MKLN1: variants seen among roughly 807,000 people sequenced by gnomAD.
The protein encoded by MKLN1 is muskelin.
A neutral mutation model predicts 99.0 loss-of-function variants in MKLN1; 18 were observed. The observed-to-expected ratio is 0.18, with a 90% confidence interval of 0.13 to 0.27. MKLN1 has a LOEUF of 0.27. Ranked by LOEUF, MKLN1 falls within the 10% of genes least tolerant of loss-of-function variation. The pLI is 1.00. For missense variants in MKLN1, 621 were observed against 875.9 expected, an observed-to-expected ratio of 0.71 and a Z score of 3.67; for synonymous variants, 288 against 293.2, an observed-to-expected ratio of 0.98 and a Z score of 0.18.
At position 131,166,223 on chromosome 7, in the gene MKLN1, T is replaced by C. The variant is rs1434010331; in HGVS notation, c.-297+23282T>C. Among the ~76,000 whole-genome samples the C allele has an allele frequency of 2.0e-5, 3 of 152,178 alleles. No homozygotes were observed. The East Asian group carries it at 5.8e-4, about 29-fold the overall frequency. On this transcript the variant is annotated intron_variant, in intron 2 of 7. Coordinates refer to the MKLN1 transcript ENST00000416992. Reference sequence around the variant, plus strand: ...AGCTTGGCGACAATTGGTTTTGGGATGTAAAAGATTACTATGGTTTTGAGC... The same window carrying C: ...AGCTTGGCGACAATTGGTTTTGGGACGTAAAAGATTACTATGGTTTTGAGC...
At chr7:131,156,463 A>AG (rs1345312876) in intron 2 of MKLN1, among the ~76,000 whole-genome samples, 2 of 151,130 alleles carry the variant, frequency 1.3e-5, no homozygotes, top group Admixed American at 6.6e-5. Context: ...AAAAAAAAAA[A>AG]AAAAAAAGAA....
intron 1 of MKLN1, among the ~76,000 whole-genome samples, chr7:131,121,002 T>A (rs1252875184): frequency 2.0e-5 from 3 of 152,186 alleles, no homozygotes; most frequent in Non-Finnish European, 4.4e-5. Context: ...ACTGGATAAT[T>A]TATAAAGAAA....
intron 1 of MKLN1, among the ~76,000 whole-genome samples, chr7:131,126,251 A>G (rs1488876665): frequency 1.3e-5 from 2 of 152,108 alleles, no homozygotes; most frequent in Non-Finnish European, 2.9e-5. Flanking sequence ...GCTAATGACC[A>G]GAGACAGCTG....
upstream of MKLN1, among the ~76,000 whole-genome samples, chr7:131,324,587 C>T (rs1798847358): frequency 6.6e-6 from 1 of 152,118 alleles, no homozygotes; most frequent in Non-Finnish European, 1.5e-5. Flanking sequence ...GAGGCAGTGC[C>T]TGAGTTATTT....
At chr7:131,400,864 G>A (rs1794523225) in intron 6 of MKLN1, among the ~76,000 whole-genome samples, 1 of 152,052 alleles carries the variant, frequency 6.6e-6, no homozygotes, top group South Asian at 2.1e-4. Flanking sequence ...ATTAGTAGTT[G>A]CTCAATTCTT....
intron 2 of MKLN1, among the ~76,000 whole-genome samples, chr7:131,194,378 G>T (rs1468691356): frequency 6.6e-6 from 1 of 152,004 alleles, no homozygotes; most frequent in East Asian, 1.9e-4. Context: ...GGACTCAAAT[G>T]GCCCTTTGTA....
intron 3 of MKLN1, among the ~76,000 whole-genome samples, chr7:131,240,500 A>G (rs1038183582): frequency 8.5e-5 from 13 of 152,254 alleles, no homozygotes; most frequent in Non-Finnish European, 1.9e-4. Context: ...GAGATAAATG[A>G]AAAATACTAT....
At chr7:131,220,310 T>C (rs540249814) in intron 3 of MKLN1, among the ~76,000 whole-genome samples, 7 of 152,160 alleles carry the variant, frequency 4.6e-5, no homozygotes, top group Non-Finnish European at 7.3e-5. Context: ...TCCCATAACC[T>C]GTTTTATAAG....
intron 1 of MKLN1, among the ~76,000 whole-genome samples, chr7:131,359,094 G>T (rs1256480681): frequency 6.6e-6 from 1 of 151,900 alleles, no homozygotes; most frequent in Non-Finnish European, 1.5e-5. Flanking sequence ...TAGTTTCCTA[G>T]GGTGGAAGCT....
chr7:131,373,632 A>G (rs1793537703), intron 1 of MKLN1, among the ~76,000 whole-genome samples: 2 of 152,160 alleles, frequency 1.3e-5, no homozygotes, highest in South Asian at 4.1e-4. Context: ...TAAAAATAGA[A>G]TTTTTATTGC....
At chr7:131,197,200 TTTGA>T (rs781668644) in intron 2 of MKLN1, among the ~76,000 whole-genome samples, 3 of 152,016 alleles carry the variant, frequency 2.0e-5, no homozygotes, top group South Asian at 2.1e-4. Flanking sequence ...GGCTTGATTG[TTTGA>T]TTGATTGATT....
At chr7:131,218,573 A>G (rs1797017307) in intron 3 of MKLN1, among the ~76,000 whole-genome samples, 1 of 152,230 alleles carries the variant, frequency 6.6e-6, no homozygotes, top group Non-Finnish European at 1.5e-5. Flanking sequence ...GTTATGCTAC[A>G]TTTCCTTCAC....
intron 3 of MKLN1, among the ~76,000 whole-genome samples, chr7:131,206,154 A>G (rs1796807306): frequency 6.6e-6 from 1 of 152,094 alleles, no homozygotes; most frequent in African/African-American, 2.4e-5. Flanking sequence ...CAGCCTCCCA[A>G]AGTGCTGGGA....
chr7:131,161,743 G>A (rs1016473393), intron 2 of MKLN1, among the ~76,000 whole-genome samples: 1 of 151,716 alleles, frequency 6.6e-6, no homozygotes, highest in East Asian at 2.0e-4. Flanking sequence ...AGTAGGGACG[G>A]GGTTTCACCG....
At chr7:131,338,044 C>T (rs889599449) in intron 1 of MKLN1, among the ~76,000 whole-genome samples, 21 of 152,184 alleles carry the variant, frequency 1.4e-4, no homozygotes, top group Non-Finnish European at 2.8e-4. Flanking sequence ...CTGTAGTTTG[C>T]TTCCAACTTG....
At chr7:131,273,896 G>A (rs1003006955) in intron 3 of MKLN1, among the ~76,000 whole-genome samples, 11 of 152,006 alleles carry the variant, frequency 7.2e-5, no homozygotes, top group East Asian at 1.9e-4. Context: ...GTGAGCCACC[G>A]CGCCCAGCCT....
intron 2 of MKLN1, among the ~76,000 whole-genome samples, chr7:131,173,459 C>T (rs188772471): frequency 5.3e-5 from 8 of 152,230 alleles, no homozygotes; most frequent in African/African-American, 1.9e-4. Context: ...TGGCTCACGC[C>T]CATAATCCTA....
intron 1 of MKLN1, chr7:131,328,340 T>G: frequency 3.9e-6 from 1 of 256,902 alleles, no homozygotes; most frequent in Non-Finnish European, 7.6e-6. Context: ...GAATCGGAGT[T>G]GGCGGGGCCC....
intron 4 of MKLN1, among the ~76,000 whole-genome samples, chr7:131,395,288 A>G (rs3847106): frequency 0.95 from 143,862 of 151,940 alleles, 68,154 homozygotes; most frequent in East Asian, 0.99. Context: ...CTCACAACTT[A>G]AATAATTGTA....
Sources: gnomAD v4.1 joint callset for allele counts (sites outside exome capture counted in the v4.1 genomes callset) on GRCh38, gnomAD v4.1.1 for gene constraint, MANE v1.5 for transcripts, NCBI Gene and HGNC (gene_info 2026-07-23, HGNC 2026-07-21) for gene names.